The following PRKDC variants were observed in gnomAD, a reference collection of about 807,000 sequenced individuals.
PRKDC encodes protein kinase, DNA-activated, catalytic subunit, also known as DNA-dependent protein kinase catalytic subunit.
A neutral mutation model predicts 486.9 loss-of-function variants in PRKDC; 82 were observed. The observed-to-expected ratio is 0.17, with a 90% CI of 0.14 to 0.20. PRKDC has a LOEUF of 0.20. Ranked by LOEUF, PRKDC falls within the 10% of genes least tolerant of loss-of-function variation. PRKDC has a pLI of 1.00. For synonymous variants in PRKDC, 1,895 were observed against 1,837.0 expected (o/e 1.03, Z -0.81); for missense variants, 4,504 against 5,038.2 (o/e 0.89, Z 3.21).
intron 65 of PRKDC, 61 bp downstream of exon 65, chr8:47,821,543 G>T: frequency 6.7e-7 from 1 of 1,486,950 alleles, no homozygotes; most frequent in Admixed American, 2.0e-5. Context: ...AAACAATTTT[G>T]TTAAGTAGAA....
chr8:47,930,953 G>C (rs2090241075), intron 16 of PRKDC, among the ~76,000 whole-genome samples, 166 bp from the exon 17 acceptor site: 1 of 152,120 alleles, frequency 6.6e-6, no homozygotes, highest in South Asian at 2.1e-4. Context: ...TGATAAGAAG[G>C]GCAGGACTTG....
chr8:47,898,878 AG>A (rs1185459331), intron 28 of PRKDC, among the ~76,000 whole-genome samples: 3 of 152,234 alleles, frequency 2.0e-5, no homozygotes, highest in African/African-American at 7.2e-5. Context: ...GGCCACCCAA[AG>A]CACAGCCTCT....
intron 65 of PRKDC, among the ~76,000 whole-genome samples, 158 bp from the exon 66 acceptor site, chr8:47,821,101 A>G (rs546382189): frequency 1.4e-4 from 21 of 152,352 alleles, no homozygotes; most frequent in Admixed American, 2.0e-4. Flanking sequence ...TCCAATTTTT[A>G]AAACAAATTC....
intron 65 of PRKDC, 86 bp downstream of exon 65, chr8:47,821,518 T>G: frequency 7.3e-7 from 1 of 1,363,058 alleles, no homozygotes; most frequent in South Asian, 1.3e-5. Context: ...GTACTACCTG[T>G]TTTTGAAATG....
chr8:47,851,687 G>T (rs940231746), intron 52 of PRKDC, among the ~76,000 whole-genome samples: 4 of 152,230 alleles, frequency 2.6e-5, no homozygotes, highest in Non-Finnish European at 5.9e-5. Flanking sequence ...AAAGCCATGA[G>T]GCTGGACGAG....
rs2090716623 is a variant in PRKDC at position 47,957,116 on chromosome 8, A to C, written c.324+55T>G. The C allele has an allele frequency of 7.5e-6, 9 of 1,195,996 alleles. No individual in the cohort carries two copies. In the East Asian group the frequency reaches 9.8e-5, roughly 13 times the overall value. The allele number at this position is 1,195,996 out of a possible 1,614,324, so 74.1% of individuals were successfully genotyped here. ...TAAAAATCCAAGTTCCTCACACCAT[A>C]AGTTAAAACAGATGTTGATATATAA... On this transcript the variant is annotated intron_variant, in intron 3 of 85. Transcript: ENST00000314191.
chr8:47,939,233 T>C (rs1394578940), intron 11 of PRKDC, among the ~76,000 whole-genome samples: 2 of 152,222 alleles, frequency 1.3e-5, no homozygotes, highest in African/African-American at 2.4e-5. Flanking sequence ...CCTCAGTACA[T>C]GCGGGAGGGA....
chr8:47,802,738 T>C (rs1322674533), intron 70 of PRKDC, among the ~76,000 whole-genome samples: 1 of 151,850 alleles, frequency 6.6e-6, no homozygotes, highest in African/African-American at 2.4e-5. Flanking sequence ...CTGCAAGCTC[T>C]ACCTCCCGGG....
chr8:47,886,177 C>G (rs759385710), intron 35 of PRKDC, 30 bp from the exon 36 acceptor site: 1 of 1,534,988 alleles, frequency 6.5e-7, no homozygotes, highest in East Asian at 2.3e-5. Flanking sequence ...AGTACCATAA[C>G]TGGGGCACAT....
chr8:47,843,695 C>A (rs907003717), intron 54 of PRKDC, among the ~76,000 whole-genome samples: 1 of 152,158 alleles, frequency 6.6e-6, no homozygotes, highest in Non-Finnish European at 1.5e-5. Context: ...TACCAGCGGG[C>A]CTCTCAGCAG....
Position 47,864,750 on chromosome 8 carries a change from T to A in PRKDC, c.5377A>T (p.Thr1793Ser), listed in dbSNP as rs762688845. ...RRIARRGSCV[T>S]QVGLLESVYE... ...ACGCTTTCCAGAAGGCCTACTTGTGTGACACATGAACCCCTAAGAAAACAA... is the reference window on the plus strand; with the variant it reads ...ACGCTTTCCAGAAGGCCTACTTGTGAGACACATGAACCCCTAAGAAAACAA... The change falls in exon 41 of 86, where the codon ACA becomes TCA. Residue 1793 changes from threonine (T) to serine (S), a missense_variant. By Grantham distance (58) the Thr-to-Ser change is moderately conservative (BLOSUM62 1). This residue lies in a region of PRKDC where 1,969 missense variants were observed against 2,068.9 expected (regional missense o/e 0.95). Transcript: ENST00000314191. 6.3e-7 allele frequency: 1 copy of A among 1,593,220 alleles called. No individual in the cohort carries two copies. Among genetic ancestry groups the A allele is most frequent in the Non-Finnish European group, 8.6e-7 (1 of 1,168,238 alleles).
chr8:47,885,649 T>G (rs2089310515), intron 36 of PRKDC, among the ~76,000 whole-genome samples: 1 of 151,986 alleles, frequency 6.6e-6, no homozygotes, highest in Non-Finnish European at 1.5e-5. Context: ...TCCCAGCACT[T>G]CGGGAGGCCA....
chr8:47,957,328 A>G, intron 2 of PRKDC, 27 bp downstream of exon 2: 4 of 1,594,078 alleles, frequency 2.5e-6, no homozygotes, highest in African/African-American at 1.3e-5. Flanking sequence ...ATATACAAGA[A>G]AAGCAAAACC....
At chr8:47,949,900 A>G (rs540459490) in intron 7 of PRKDC, among the ~76,000 whole-genome samples, 21 of 152,272 alleles carry the variant, frequency 1.4e-4, no homozygotes, top group Non-Finnish European at 2.5e-4. Context: ...ATCATTGGAT[A>G]TAAGTAATTT....
At chr8:47,783,440 C>CCCTGTCTCTACTAAAAATTCAAAA (rs2086733558) in intron 78 of PRKDC, among the ~76,000 whole-genome samples, 3 of 151,730 alleles carry the variant, frequency 2.0e-5, no homozygotes, top group Non-Finnish European at 4.4e-5. Flanking sequence ...ATTCAAAAAA[C>CCCTGTCTCTACTAAAAATTCAAAA]AGAGCTGGGC....
chr8:47,893,403 A>G lies in PRKDC; in HGVS notation c.3599-16T>C. The G allele has an allele frequency of 6.7e-7, 1 of 1,485,696 alleles. No homozygotes were observed. The allele number at this position is 1,485,696 out of a possible 1,614,324, so 92.0% of individuals were successfully genotyped here. A position where few individuals can be genotyped will look rare whatever the true frequency, so the allele number is the denominator to read the frequency against. ...GATCTGTTGCCTTTAAAAAGAAACAAAATTAAAATGCACACATATACCTAC... is the reference window on the plus strand; with the variant it reads ...GATCTGTTGCCTTTAAAAAGAAACAGAATTAAAATGCACACATATACCTAC... On this transcript the variant is annotated splice_polypyrimidine_tract_variant and intron_variant, in intron 30 of 85. Transcript: ENST00000314191.
chr8:47,839,294 G>A, intron 55 of PRKDC, 48 bp from the exon 56 acceptor site: 2 of 1,367,452 alleles, frequency 1.5e-6, no homozygotes, highest in South Asian at 2.4e-5. Context: ...CTCTCTTCTG[G>A]CCCTTTTGTT....
intron 59 of PRKDC, 49 bp from the exon 60 acceptor site, chr8:47,831,975 G>T: frequency 6.6e-7 from 1 of 1,521,094 alleles, no homozygotes; most frequent in Non-Finnish European, 9.1e-7. Flanking sequence ...CAGACACTTG[G>T]CTCTGCTGGT....
At chr8:47,825,379 G>A (rs1470359654) in intron 63 of PRKDC, among the ~76,000 whole-genome samples, 1 of 151,824 alleles carries the variant, frequency 6.6e-6, no homozygotes, top group Non-Finnish European at 1.5e-5. Flanking sequence ...CGTGGTGGCA[G>A]GTGCCTGTAA....
Sources: gnomAD v4.1 joint callset for allele counts (sites outside exome capture counted in the v4.1 genomes callset) on GRCh38, gnomAD v4.1.1 for gene constraint, gnomAD v4.1.1 regional missense constraint, MANE v1.5 for transcripts, NCBI Gene and HGNC (gene_info 2026-07-23, HGNC 2026-07-21) for gene names.